The following FUT9 variants were observed in gnomAD, a reference collection of about 807,000 sequenced individuals.
The protein encoded by FUT9 is 4-galactosyl-N-acetylglucosaminide 3-alpha-L-fucosyltransferase 9.
Under a neutral mutation model 29.7 loss-of-function variants are expected in FUT9, and 15 were observed. The observed-to-expected ratio is 0.51, with a 90% confidence interval of 0.34 to 0.78. The LOEUF is 0.78. Among genes scored for constraint, FUT9 ranks in the 30% least tolerant of loss-of-function variants. The pLI is 0.01. For synonymous variants in FUT9, 169 were observed against 153.7 expected, an observed-to-expected ratio of 1.10 and a Z score of -0.74; for missense variants, 319 against 425.4, an observed-to-expected ratio of 0.75 and a Z score of 2.20.
At chr6:96,176,029 T>A (rs148919656) in intron 2 of FUT9, among the ~76,000 whole-genome samples, 1 of 152,368 alleles carries the variant, frequency 6.6e-6, no homozygotes, top group East Asian at 1.9e-4. Context: ...CTTCTGGAGC[T>A]GAGACATTCA....
chr6:96,158,818 A>C (rs1407717883), intron 2 of FUT9, among the ~76,000 whole-genome samples: 1 of 152,116 alleles, frequency 6.6e-6, no homozygotes, highest in Non-Finnish European at 1.5e-5. Context: ...CTTAGGCTTG[A>C]ATCCTCAGAA....
chr6:96,021,349 C>A (rs1029129063), intron 1 of FUT9, among the ~76,000 whole-genome samples: 4 of 151,654 alleles, frequency 2.6e-5, no homozygotes, highest in African/African-American at 7.3e-5. Flanking sequence ...CCCAAACTAA[C>A]AAATTCAGTG....
intron 1 of FUT9, among the ~76,000 whole-genome samples, chr6:96,102,573 C>T (rs950718219): frequency 6.6e-6 from 1 of 152,114 alleles, no homozygotes; most frequent in Admixed American, 6.6e-5. Flanking sequence ...ACTTTTGAGA[C>T]ACATTTTGCT....
rs555667262 is a variant in FUT9 at position 96,212,325 on chromosome 6, A to G, written c.*8090A>G. The G allele has an allele frequency of 7.3e-6, 3 of 412,760 alleles. No individual in the cohort carries two copies. The highest frequency in any genetic ancestry group is 8.9e-6 in the Non-Finnish European group (2 of 225,596). 25.6% of individuals were successfully genotyped at this position (412,760 alleles called of 1,614,324 possible). On this transcript the variant is annotated 3_prime_UTR_variant, in exon 3 of 3. Transcript: ENST00000302103. ...TAGGATGGAATACATGTCTCCAGGG[A>G]CTGTAATGAGATCAGGCTTTTCATT...
intron 2 of FUT9, among the ~76,000 whole-genome samples, chr6:96,192,974 TG>T (rs1264526900): frequency 6.6e-6 from 1 of 151,884 alleles, no homozygotes; most frequent in Non-Finnish European, 1.5e-5. Flanking sequence ...ATTTAATAAA[TG>T]GTGCTGGGAA....
intron 2 of FUT9, among the ~76,000 whole-genome samples, chr6:96,149,980 C>A (rs1297846203): frequency 6.6e-6 from 1 of 152,084 alleles, no homozygotes; most frequent in Non-Finnish European, 1.5e-5. Flanking sequence ...TTAACCCTCC[C>A]CTCTTTACCC....
chr6:96,188,310 A>G (rs965052632), intron 2 of FUT9, among the ~76,000 whole-genome samples: 5 of 151,928 alleles, frequency 3.3e-5, no homozygotes, highest in African/African-American at 9.7e-5. Flanking sequence ...CTTGTTGCCC[A>G]GGCTAGAGTG....
intron 1 of FUT9, among the ~76,000 whole-genome samples, chr6:96,020,555 G>A (rs908985265): frequency 7.2e-5 from 11 of 152,020 alleles, no homozygotes; most frequent in African/African-American, 2.7e-4. Flanking sequence ...AGGGATCAAT[G>A]GAAGTGAATG....
Position 96,203,746 on chromosome 6 carries a change from C to T in FUT9, c.591C>T (p.Asn197=), listed in dbSNP as rs766706271. 2.5e-6 allele frequency: 4 copies of T among 1,614,010 alleles called. No individual in the cohort carries two copies. Among genetic ancestry groups the T allele is most frequent in the South Asian group, 1.1e-5 (1 of 91,080 alleles). The change falls in exon 3 of 3, where the codon AAC becomes AAT. Residue 197 remains asparagine, a synonymous_variant. Transcript: ENST00000302103. ...TGTGCTGGGTTGTGAGTAACTGGAA[C>T]CCTGAGCATGCCAGAGTCAAGTATT... ...KLVCWVVSNW[N]PEHARVKYYN... is the part of the protein sequence containing the mutation.
intron 1 of FUT9, among the ~76,000 whole-genome samples, chr6:96,105,929 T>C (rs948174487): frequency 6.6e-6 from 1 of 152,196 alleles, no homozygotes; most frequent in African/African-American, 2.4e-5. Flanking sequence ...CTTATGCCTA[T>C]TAAATTTTAA....
At chr6:96,047,675 C>T (rs912002981) in intron 1 of FUT9, among the ~76,000 whole-genome samples, 4 of 152,118 alleles carry the variant, frequency 2.6e-5, no homozygotes, top group African/African-American at 4.8e-5. Flanking sequence ...TACTCTAGCC[C>T]CTGACACCAC....
intron 2 of FUT9, among the ~76,000 whole-genome samples, chr6:96,153,652 C>G (rs568520414): frequency 2.0e-5 from 3 of 151,994 alleles, no homozygotes; most frequent in African/African-American, 7.2e-5. Flanking sequence ...TTCAGTCAGG[C>G]GAGACAAAAA....
intron 2 of FUT9, among the ~76,000 whole-genome samples, chr6:96,161,394 T>C (rs941994900): frequency 6.6e-6 from 1 of 152,166 alleles, no homozygotes; most frequent in Non-Finnish European, 1.5e-5. Context: ...TCTTGGACTT[T>C]CCAGCCTTCA....
At chr6:96,104,018 T>G (rs1294465242) in intron 1 of FUT9, among the ~76,000 whole-genome samples, 2 of 152,120 alleles carry the variant, frequency 1.3e-5, no homozygotes, top group African/African-American at 4.8e-5. Context: ...CTCAGCTAAG[T>G]GTTTAGAAGG....
chr6:96,096,762 C>A (rs1374496225), intron 1 of FUT9, among the ~76,000 whole-genome samples: 1 of 151,374 alleles, frequency 6.6e-6, no homozygotes, highest in East Asian at 2.0e-4. Flanking sequence ...TTTGCCTACT[C>A]TATTGAAAAT....
intron 2 of FUT9, among the ~76,000 whole-genome samples, chr6:96,173,119 T>A (rs1205214614): frequency 6.6e-6 from 1 of 152,136 alleles, no homozygotes; most frequent in Non-Finnish European, 1.5e-5. Context: ...CCAGTCACAA[T>A]GGCATTTTTC....
intron 2 of FUT9, among the ~76,000 whole-genome samples, chr6:96,135,646 G>C (rs560624672): frequency 6.6e-6 from 1 of 151,984 alleles, no homozygotes; most frequent in South Asian, 2.1e-4. Context: ...AAGGTACCGG[G>C]GGAGAAAGAA....
At chr6:96,174,829 A>G (rs760116310) in intron 2 of FUT9, among the ~76,000 whole-genome samples, 22 of 152,288 alleles carry the variant, frequency 1.4e-4, no homozygotes, top group Admixed American at 7.8e-4. Flanking sequence ...TTCAATACAT[A>G]ACAGTTCTGA....
intron 2 of FUT9, among the ~76,000 whole-genome samples, chr6:96,124,247 G>A (rs926944853): frequency 6.6e-6 from 1 of 150,472 alleles, no homozygotes; most frequent in Non-Finnish European, 1.5e-5. Context: ...CGCCTCCCGG[G>A]TTCACACCAT....
Sources: allele counts gnomAD v4.1 joint callset (sites outside exome capture counted in the v4.1 genomes callset), GRCh38; gene constraint gnomAD v4.1.1; transcripts MANE v1.5; gene names NCBI Gene and HGNC (gene_info 2026-07-23, HGNC 2026-07-21).